RXFP2: variants seen among roughly 807,000 people sequenced by gnomAD.
RXFP2 encodes the protein relaxin family peptide receptor 2.
A neutral mutation model predicts 88.6 loss-of-function variants in RXFP2; 68 were observed. That is an observed-to-expected ratio of 0.77 (90% CI 0.63 to 0.94). The LOEUF (loss-of-function observed/expected upper bound fraction) is 0.94, where lower values mean the gene tolerates loss of function less well. RXFP2 is among the 40% of genes least tolerant of loss of function. RXFP2 has a pLI of 0.00. For synonymous variants in RXFP2, 329 were observed against 306.8 expected (o/e 1.07, Z -0.76); for missense variants, 791 against 893.9 (o/e 0.88, Z 1.47).
At chr13:31,766,084 T>A (rs1316242695) in intron 5 of RXFP2, 57 bp downstream of exon 5, 1 of 862,868 alleles carries the variant, frequency 1.2e-6, no homozygotes, top group Non-Finnish European at 2.0e-6. Context: ...TGGTGTAAGA[T>A]GTTTTTGATC....
intron 16 of RXFP2, among the ~76,000 whole-genome samples, chr13:31,794,873 T>G (rs1275832933): frequency 6.6e-6 from 1 of 151,626 alleles, no homozygotes; most frequent in African/African-American, 2.4e-5. Context: ...ATATTCCAGA[T>G]AGACAAAGAG....
At chr13:31,765,001 T>C (rs750077065) in intron 3 of RXFP2, 36 bp from the exon 4 acceptor site, 2 of 1,077,282 alleles carry the variant, frequency 1.9e-6, no homozygotes, top group Non-Finnish European at 2.9e-6. Flanking sequence ...AATGTATTTG[T>C]TTACTAGTGA....
rs190482978 is a variant in RXFP2, at chr13:31,758,988, G to A, written c.241+584G>A. The stretch of plus-strand genomic sequence containing the variant: ...GCCTGAACCCGGGAGGCAAGGTTGC[G>A]GTGAGCCCAGATGGCACCACTGCAC... On this transcript the variant is annotated intron_variant, in intron 2 of 17. Coordinates refer to ENST00000298386, the MANE Select transcript of RXFP2 (RefSeq NM_130806.5). Among the ~76,000 whole-genome samples the A allele has an allele frequency of 3.3e-3, 502 of 151,994 alleles. 1 individual carries two copies. Among genetic ancestry groups the A allele is most frequent in the Non-Finnish European group, 4.9e-3 (331 of 67,952 alleles).
At chr13:31,791,679 A>G (rs1873796640) in intron 14 of RXFP2, 127 bp from the exon 15 acceptor site, 1 of 716,626 alleles carries the variant, frequency 1.4e-6, no homozygotes, top group Non-Finnish European at 2.5e-6. Context: ...TATAAACACT[A>G]CTAAACAAAA....
chr13:31,802,004 C>T lies in RXFP2; in HGVS notation c.2006-142C>T, dbSNP rs570171740. On this transcript the variant is annotated intron_variant, in intron 17 of 17. Transcript: ENST00000298386. ...ATTCATAGCTTCTGTGCTCTTCCAA[C>T]AAAGATTTTCCTTCAGGTGAGAGAA... The T allele has an allele frequency of 3.2e-4, 253 of 796,658 alleles. No individual in the cohort carries two copies. In the African/African-American group the frequency reaches 3.7e-3, roughly 12 times the overall value. 49.3% of individuals were successfully genotyped at this position (796,658 alleles called of 1,614,324 possible).
At chr13:31,800,345 CAGATCACG>C (rs752113423) in intron 17 of RXFP2, among the ~76,000 whole-genome samples, 7 of 152,144 alleles carry the variant, frequency 4.6e-5, no homozygotes, top group African/African-American at 4.8e-5. Flanking sequence ...CCGAGGTGGG[CAGATCACG>C]AGATCAGGAG....
intron 17 of RXFP2, among the ~76,000 whole-genome samples, chr13:31,800,521 G>A (rs976622735): frequency 3.3e-5 from 5 of 152,176 alleles, no homozygotes; most frequent in African/African-American, 9.7e-5. Context: ...GCAGTGAGCC[G>A]AGATCGTGCC....
rs9315144 is a variant in RXFP2, at chr13:31,775,655, A to T, written c.641+266A>T. Among the ~76,000 whole-genome samples the T allele has an allele frequency of 1.3e-3, 195 of 152,324 alleles. 1 individual carries two copies. Among genetic ancestry groups the T allele is most frequent in the African/African-American group, 4.6e-3 (192 of 41,584 alleles). ...TACCCCTTCTCCCAAGAGTTGTGACAACTAAAAATGTTTCCAGACATTGCT... is the reference window on the plus strand; with the variant it reads ...TACCCCTTCTCCCAAGAGTTGTGACTACTAAAAATGTTTCCAGACATTGCT... On this transcript the variant is annotated intron_variant, in intron 7 of 17. Transcript: ENST00000298386.
chr13:31,751,462 A>T (rs1021546293), intron 1 of RXFP2, among the ~76,000 whole-genome samples: 1 of 152,206 alleles, frequency 6.6e-6, no homozygotes, highest in Non-Finnish European at 1.5e-5. Flanking sequence ...AGAAGAATCC[A>T]GGGACCTGGT....
At chr13:31,781,136 G>A (rs927582246) in intron 9 of RXFP2, among the ~76,000 whole-genome samples, 3 of 152,198 alleles carry the variant, frequency 2.0e-5, no homozygotes, top group Non-Finnish European at 4.4e-5. Flanking sequence ...TCTACCTGAT[G>A]TTGGAGGGAA....
chr13:31,759,376 A>AG (rs1555281660), intron 2 of RXFP2, among the ~76,000 whole-genome samples: 3 of 67,604 alleles, frequency 4.4e-5, no homozygotes, highest in African/African-American at 1.8e-4. Flanking sequence ...ATTTGGATTG[A>AG]GAAAGAAAGA....
intron 16 of RXFP2, among the ~76,000 whole-genome samples, chr13:31,794,040 T>A (rs1873914554): frequency 6.6e-6 from 1 of 152,142 alleles, no homozygotes; most frequent in African/African-American, 2.4e-5. Flanking sequence ...TGTGTACACC[T>A]CCACTCAGAG....
intron 3 of RXFP2, among the ~76,000 whole-genome samples, chr13:31,764,670 A>C (rs1183289235): frequency 6.6e-6 from 1 of 151,496 alleles, no homozygotes; most frequent in Non-Finnish European, 1.5e-5. Flanking sequence ...ATTTTATGCT[A>C]TTCAAATGAA....
chr13:31,745,989 G>T (rs138438789), intron 1 of RXFP2, among the ~76,000 whole-genome samples: 1 of 152,324 alleles, frequency 6.6e-6, no homozygotes, highest in Non-Finnish European at 1.5e-5. Context: ...GCAAACCCAT[G>T]TTCAAGTCAT....
chr13:31,790,775 A>G (rs992588528), intron 14 of RXFP2, among the ~76,000 whole-genome samples: 1 of 152,168 alleles, frequency 6.6e-6, no homozygotes, highest in Non-Finnish European at 1.5e-5. Flanking sequence ...GTTGGAGTGA[A>G]GTGACATTTG....
chr13:31,778,008 C>T (rs1005155257), intron 8 of RXFP2, among the ~76,000 whole-genome samples: 4 of 152,090 alleles, frequency 2.6e-5, no homozygotes, highest in African/African-American at 4.8e-5. Context: ...CAAAAGGAAC[C>T]ACAATATCAT....
chr13:31,767,270 G>A (rs1323866858), intron 5 of RXFP2, among the ~76,000 whole-genome samples: 1 of 152,184 alleles, frequency 6.6e-6, no homozygotes, highest in Middle Eastern at 3.2e-3. Context: ...ACCTGGGCTT[G>A]ATTGTGGCCT....
chr13:31,745,938 C>A (rs905129634), intron 1 of RXFP2, among the ~76,000 whole-genome samples: 2 of 152,124 alleles, frequency 1.3e-5, no homozygotes, highest in African/African-American at 4.8e-5. Context: ...GATTAGGAGA[C>A]GGGAGGCAGC....
chr13:31,754,491 A>G (rs1049178234), intron 1 of RXFP2, among the ~76,000 whole-genome samples: 1 of 152,074 alleles, frequency 6.6e-6, no homozygotes, highest in Non-Finnish European at 1.5e-5. Context: ...AGATTGTGCC[A>G]CTGCACTCCA....
Sources: gnomAD v4.1 joint callset for allele counts (sites outside exome capture counted in the v4.1 genomes callset) on GRCh38, gnomAD v4.1.1 for gene constraint, MANE v1.5 for transcripts, NCBI Gene and HGNC (gene_info 2026-07-23, HGNC 2026-07-21) for gene names.